GAN: variants seen among roughly 807,000 people sequenced by gnomAD.
The protein encoded by GAN is epididymis secretory sperm binding protein.
A neutral mutation model predicts 71.3 loss-of-function variants in GAN; 48 were observed. The observed-to-expected ratio is 0.67, with a 90% CI of 0.53 to 0.86. The LOEUF (loss-of-function observed/expected upper bound fraction) is 0.86, where lower values mean the gene tolerates loss of function less well. Among genes scored for constraint, GAN ranks in the 40% least tolerant of loss-of-function variants. The pLI is 0.00. For missense variants in GAN, 928 were observed against 770.1 expected, an observed-to-expected ratio of 1.21 and a Z score of -2.43; for synonymous variants, 386 against 276.8, an observed-to-expected ratio of 1.39 and a Z score of -3.92.
In GAN at chr16:81,377,675, G is replaced by A; in HGVS notation, c.*79G>A. The A allele has an allele frequency of 1.6e-6, 2 of 1,247,682 alleles. No individual in the cohort carries two copies. Among genetic ancestry groups the A allele is most frequent in the Non-Finnish European group, 2.4e-6 (2 of 847,384 alleles). 77.3% of individuals were successfully genotyped at this position (1,247,682 alleles called of 1,614,324 possible). ...TCCGAAAGGGAGAGCAGAGATGGCAGCTGAAACTCACTCTGTGCTGGGCTT... is the reference window on the plus strand; with the variant it reads ...TCCGAAAGGGAGAGCAGAGATGGCAACTGAAACTCACTCTGTGCTGGGCTT... On this transcript the variant is annotated 3_prime_UTR_variant, in exon 11 of 11. Transcript: ENST00000648994.
At position 81,315,135 on chromosome 16, in the gene GAN, T is replaced by G; in HGVS notation, c.22T>G (p.Ser8Ala). ...CGCGATGGCTGAGGGCAGTGCCGTGTCTGACCCTCAGCACGCCGCGCGTCT... is the reference window on the plus strand; with the variant it reads ...CGCGATGGCTGAGGGCAGTGCCGTGGCTGACCCTCAGCACGCCGCGCGTCT... The part of the protein sequence containing the change: MAEGSAV[S>A]DPQHAARLLR... The change falls in exon 1 of 11, where the codon TCT (serine) becomes GCT (alanine). Residue 8 changes from serine to alanine, a missense_variant. Transcript: ENST00000648994. 1 of 1,528,598 alleles carries G rather than the reference T, an allele frequency of 6.5e-7. No individual in the cohort carries two copies. The highest frequency in any genetic ancestry group is 8.8e-7 in the Non-Finnish European group (1 of 1,138,992). 94.7% of individuals were successfully genotyped at this position (1,528,598 alleles called of 1,614,324 possible).
At position 81,387,343 on chromosome 16, in the gene GAN, C is replaced by A. The variant is rs1014857944; in HGVS notation, c.*9747C>A. On this transcript the variant is annotated 3_prime_UTR_variant, in exon 11 of 11. Transcript: ENST00000648994. ...TAGGGGAGGTTGGCACGGCAACCTTCCCACTCCGTAGGTGGGTAGCCTTGC... is the reference window on the plus strand; with the variant it reads ...TAGGGGAGGTTGGCACGGCAACCTTACCACTCCGTAGGTGGGTAGCCTTGC... 5 of 152,138 alleles carry A rather than the reference C, an allele frequency of 3.3e-5. No homozygotes were observed. Among genetic ancestry groups the A allele is most frequent in the African/African-American group, 1.2e-4 (5 of 41,436 alleles). 9.4% of individuals were successfully genotyped at this position (152,138 alleles called of 1,614,324 possible).
At chr16:81,353,060 G>C (rs1910352242) in intron 2 of GAN, among the ~76,000 whole-genome samples, 1 of 152,194 alleles carries the variant, frequency 6.6e-6, no homozygotes, top group Non-Finnish European at 1.5e-5. Context: ...GGGAGGCCGA[G>C]GCGGGTGGAT....
At chr16:81,364,573 C>T (rs1043127117) in intron 7 of GAN, among the ~76,000 whole-genome samples, 34 of 152,270 alleles carry the variant, frequency 2.2e-4, no homozygotes, top group African/African-American at 8.2e-4. Context: ...CCTGTAGTCC[C>T]AGCTACCCAG....
chr16:81,315,553 C>T (rs1033266563), intron 1 of GAN, among the ~76,000 whole-genome samples: 1 of 152,072 alleles, frequency 6.6e-6, no homozygotes. Context: ...CGATCCCCCG[C>T]CTTGTCCCTC....
rs1347646370 is a variant in GAN, at chr16:81,389,158, T to A, written c.*11562T>A. On this transcript the variant is annotated 3_prime_UTR_variant, in exon 11 of 11. Transcript: ENST00000648994. Reference sequence around the variant, plus strand: ...TAAAAATTGTGTGTTGGGAAATGTATCAAGTGACCTTCAGTTAAGAAAAGC... The same window carrying A: ...TAAAAATTGTGTGTTGGGAAATGTAACAAGTGACCTTCAGTTAAGAAAAGC... 1.3e-5 allele frequency: 2 copies of A among 152,204 alleles called. No homozygotes were observed. The highest frequency in any genetic ancestry group is 2.9e-5 in the Non-Finnish European group (2 of 68,036). The allele number at this position is 152,204 out of a possible 1,614,324, so 9.4% of individuals were successfully genotyped here.
At chr16:81,362,324 G>C (rs1015161558) in intron 5 of GAN, among the ~76,000 whole-genome samples, 175 bp from the exon 6 acceptor site, 3 of 152,184 alleles carry the variant, frequency 2.0e-5, no homozygotes, top group Non-Finnish European at 2.9e-5. Flanking sequence ...AATGGTCAAA[G>C]TGATGGTTTG....
chr16:81,315,256 T>C lies in GAN; in HGVS notation c.143T>C (p.Leu48Pro). 2 of 1,535,008 alleles carry C rather than the reference T, an allele frequency of 1.3e-6. No individual in the cohort carries two copies. The highest frequency in any genetic ancestry group is 1.2e-5 in the South Asian group (1 of 86,118). ...GAGATCCCGGTGCAGAAGAACATCC[T>C]GGCGGCGGCCAGCCCGTACATCAGG... ...GEEIPVQKNI[L>P]AAASPYIRTK... is the part of the protein sequence containing the mutation. Residue 48 changes from leucine to proline, a missense_variant, in exon 1 of 11, where the codon CTG becomes CCG. Coordinates refer to ENST00000648994, the MANE Select transcript of GAN (RefSeq NM_022041.4).
At chr16:81,364,100 C>T (rs1188825325) in intron 7 of GAN, among the ~76,000 whole-genome samples, 157 bp downstream of exon 7, 3 of 152,180 alleles carry the variant, frequency 2.0e-5, no homozygotes, top group Admixed American at 6.5e-5. Flanking sequence ...TCACTGTCAT[C>T]AGCCACACAC....
At chr16:81,315,334 C>T (rs1003943195) in intron 1 of GAN, 54 bp downstream of exon 1, 3 of 1,254,462 alleles carry the variant, frequency 2.4e-6, no homozygotes, top group African/African-American at 3.2e-5. Context: ...GAGCCGGAGG[C>T]GGGGCGGCCG....
At chr16:81,345,738 G>A (rs776813644) in intron 1 of GAN, among the ~76,000 whole-genome samples, 14 of 152,274 alleles carry the variant, frequency 9.2e-5, no homozygotes, top group South Asian at 2.1e-4. Context: ...AGAGCTTAAA[G>A]TATAATAATA....
intron 9 of GAN, among the ~76,000 whole-genome samples, chr16:81,374,638 C>G (rs1459247804): frequency 6.6e-6 from 1 of 152,194 alleles, no homozygotes; most frequent in East Asian, 1.9e-4. Flanking sequence ...TTTTCTTGCT[C>G]ACATAGTTCC....
chr16:81,324,458 G>T (rs1909315580), intron 1 of GAN, among the ~76,000 whole-genome samples: 1 of 152,162 alleles, frequency 6.6e-6, no homozygotes, highest in South Asian at 2.1e-4. Context: ...AAGAGCAGGG[G>T]GAGGCACCAG....
rs1331860371 is a variant in GAN at position 81,382,708 on chromosome 16, G to C, written c.*5112G>C. 1 of 152,198 alleles carries C rather than the reference G, an allele frequency of 6.6e-6. No homozygotes were observed. The highest frequency in any genetic ancestry group is 2.4e-5 in the African/African-American group (1 of 41,462). 9.4% of individuals were successfully genotyped at this position (152,198 alleles called of 1,614,324 possible). On this transcript the variant is annotated 3_prime_UTR_variant, in exon 11 of 11. Transcript: ENST00000648994. ...ATATTTGATAACACAGACTTGGATT[G>C]AGTGTCTGTCATGCCTGCTGGCAGT...
At chr16:81,318,389 A>G (rs1287705483) in intron 1 of GAN, among the ~76,000 whole-genome samples, 1 of 152,206 alleles carries the variant, frequency 6.6e-6, no homozygotes, top group African/African-American at 2.4e-5. Flanking sequence ...ATGGCCTGGC[A>G]TGGTAGCTCA....
intron 9 of GAN, 60 bp from the exon 10 acceptor site, chr16:81,377,159 C>T (rs1904284243): frequency 1.0e-6 from 1 of 1,000,646 alleles, no homozygotes; most frequent in Non-Finnish European, 1.6e-6. Context: ...TGTCAGTCTT[C>T]CTAGATGTTG....
chr16:81,367,468 G>A (rs1424751778), intron 9 of GAN, among the ~76,000 whole-genome samples: 3 of 152,174 alleles, frequency 2.0e-5, no homozygotes, highest in African/African-American at 7.2e-5. Context: ...GGTGGAGTGT[G>A]CAGTGAGCCG....
At chr16:81,371,348 A>G (rs1469020899) in intron 9 of GAN, among the ~76,000 whole-genome samples, 1 of 151,966 alleles carries the variant, frequency 6.6e-6, no homozygotes, top group Non-Finnish European at 1.5e-5. Context: ...ATGGGTTCTA[A>G]TTTTTCTGGC....
At chr16:81,350,162 C>G (rs143727012) in intron 1 of GAN, among the ~76,000 whole-genome samples, 64 of 152,062 alleles carry the variant, frequency 4.2e-4, no homozygotes, top group African/African-American at 1.2e-3. Context: ...GTAAAGAACT[C>G]CTACACCGCA....
Sources: allele counts gnomAD v4.1 joint callset (sites outside exome capture counted in the v4.1 genomes callset), GRCh38; gene constraint gnomAD v4.1.1; transcripts MANE v1.5; gene names NCBI Gene and HGNC (gene_info 2026-07-23, HGNC 2026-07-21).